CDK5RAP2: variants seen among roughly 807,000 people sequenced by gnomAD.
The protein encoded by CDK5RAP2 is CDK5 regulatory subunit-associated protein 2.
Under a neutral mutation model 232.9 loss-of-function variants are expected in CDK5RAP2, and 147 were observed. The ratio of observed to expected loss-of-function variants is 0.63; its 90% CI spans 0.55 to 0.72. CDK5RAP2 has a LOEUF of 0.72. CDK5RAP2 is among the 30% of genes least tolerant of loss of function. The pLI is 0.00. For synonymous variants in CDK5RAP2, 833 were observed against 833.7 expected, an observed-to-expected ratio of 1.00 and a Z score of 0.01; for missense variants, 2,195 against 2,231.5, an observed-to-expected ratio of 0.98 and a Z score of 0.33.
At chr9:120,414,451 T>C (rs2034082404) in intron 28 of CDK5RAP2, among the ~76,000 whole-genome samples, 1 of 152,156 alleles carries the variant, frequency 6.6e-6, no homozygotes, top group South Asian at 2.1e-4. Flanking sequence ...GAATCATGGA[T>C]ATAGAGTACG....
chr9:120,453,699 C>T lies in CDK5RAP2; in HGVS notation c.2550G>A (p.Lys850=), dbSNP rs566810663. The T allele has an allele frequency of 2.5e-6, 4 of 1,614,250 alleles. No homozygotes were observed. In the South Asian group the frequency reaches 3.3e-5, roughly 13 times the overall value. Residue 850 remains lysine (K), a synonymous_variant, in exon 21 of 38, where the codon AAG becomes AAA. Transcript: ENST00000349780. ...NSFSKPHDEL[K]LSCEAQLVKA... is the part of the protein sequence containing the mutation. Reference sequence around the variant, plus strand: ...TTACTAGCTGGGCCTCACAAGACAACTTCAGTTCATCATGTGGCTTGGAAA... The same window carrying T: ...TTACTAGCTGGGCCTCACAAGACAATTTCAGTTCATCATGTGGCTTGGAAA...
At chr9:120,461,414 C>T (rs768169217) in intron 18 of CDK5RAP2, among the ~76,000 whole-genome samples, 10 of 152,160 alleles carry the variant, frequency 6.6e-5, no homozygotes, top group Non-Finnish European at 1.0e-4. Context: ...CTCAGCTCTC[C>T]GCAAAAGCAA....
chr9:120,530,523 G>A (rs753080063), intron 7 of CDK5RAP2, among the ~76,000 whole-genome samples: 30 of 152,126 alleles, frequency 2.0e-4, no homozygotes, highest in African/African-American at 5.6e-4. Flanking sequence ...GAGCTGTTCC[G>A]ATAAGTGTGG....
intron 3 of CDK5RAP2, among the ~76,000 whole-genome samples, chr9:120,562,130 A>G (rs1246340630): frequency 6.6e-6 from 1 of 152,236 alleles, no homozygotes; most frequent in Non-Finnish European, 1.5e-5. Context: ...ATGTGGCAAC[A>G]AACACCTTCA....
At chr9:120,464,395 C>T (rs989875809) in intron 18 of CDK5RAP2, among the ~76,000 whole-genome samples, 4 of 152,142 alleles carry the variant, frequency 2.6e-5, no homozygotes, top group Non-Finnish European at 4.4e-5. Flanking sequence ...CTAGACAGGG[C>T]GGGGACATGT....
At chr9:120,446,113 T>C (rs2036171442) in intron 22 of CDK5RAP2, among the ~76,000 whole-genome samples, 2 of 152,204 alleles carry the variant, frequency 1.3e-5, no homozygotes, top group African/African-American at 4.8e-5. Flanking sequence ...GTCTCTATGG[T>C]AACTACTCAA....
chr9:120,539,533 A>G (rs79256370), intron 5 of CDK5RAP2, among the ~76,000 whole-genome samples: 3,698 of 152,300 alleles, frequency 0.024, 154 homozygotes, highest in African/African-American at 0.084. Flanking sequence ...ATATTAATTC[A>G]ATGTATGAAA....
At position 120,453,572 on chromosome 9, in the gene CDK5RAP2, C is replaced by G; in HGVS notation, c.2677G>C (p.Ala893Pro). Residue 893 changes from alanine to proline, a missense_variant, in exon 21 of 38, where the codon GCT (alanine) becomes CCT (proline). Transcript: ENST00000349780. ...GTGTTGATCGGTTTCTCTTCCCAAG[C>G]CTCTCTTGTTGCTTCATGCTTGAAT... Reference protein sequence around the residue: ...LRFKHEATREAWEEKPINTAL... With the variant: ...LRFKHEATREPWEEKPINTAL... 6.2e-7 allele frequency: 1 copy of G among 1,614,186 alleles called. No individual in the cohort carries two copies. The highest frequency in any genetic ancestry group is 2.2e-5 in the East Asian group (1 of 44,872).
chr9:120,466,780 C>T (rs1433919627), intron 18 of CDK5RAP2, among the ~76,000 whole-genome samples: 5 of 152,168 alleles, frequency 3.3e-5, no homozygotes, highest in South Asian at 2.1e-4. Context: ...TTGAGCATTT[C>T]CCACTTTGAA....
intron 10 of CDK5RAP2, 115 bp from the exon 11 acceptor site, chr9:120,525,193 A>G: frequency 1.2e-6 from 1 of 819,156 alleles, no homozygotes; most frequent in South Asian, 1.4e-5. Flanking sequence ...CTTTGTAGTC[A>G]GAAGAGATTC....
At chr9:120,564,712 T>C (rs7045249) in intron 3 of CDK5RAP2, among the ~76,000 whole-genome samples, 128,908 of 152,092 alleles carry the variant, frequency 0.85, 55,898 homozygotes, top group Non-Finnish European at 0.95. Flanking sequence ...TGGAAAGTTA[T>C]CCATGTCATT....
In CDK5RAP2 at chr9:120,439,779, C is replaced by G; in HGVS notation, c.3342G>C (p.Gln1114His). 2 of 1,614,150 alleles carry G rather than the reference C, an allele frequency of 1.2e-6. No individual in the cohort carries two copies. The highest frequency in any genetic ancestry group is 1.7e-6 in the Non-Finnish European group (2 of 1,180,004). ...GCTCAGTTTCCAAGTCATGGATTTT[C>G]TGTTTTAAGTATTCTGTCTCATTTG... ...NTSNETEYLK[Q>H]KIHDLETELE... Residue 1114 changes from glutamine (Q) to histidine (H), a missense_variant, in exon 24 of 38, where the codon CAG becomes CAC. By Grantham distance (24) the Gln-to-His change is conservative. Coordinates refer to ENST00000349780, the MANE Select transcript of CDK5RAP2 (RefSeq NM_018249.6).
At chr9:120,464,705 T>C (rs2037278078) in intron 18 of CDK5RAP2, among the ~76,000 whole-genome samples, 1 of 151,838 alleles carries the variant, frequency 6.6e-6, no homozygotes, top group Admixed American at 6.6e-5. Flanking sequence ...ATGGTGTTGC[T>C]AAACAATTCT....
chr9:120,422,609 G>C, intron 26 of CDK5RAP2, 84 bp downstream of exon 26: 1 of 1,037,020 alleles, frequency 9.6e-7, no homozygotes. Flanking sequence ...AGAATGGGAA[G>C]GAGCCAAAAT....
chr9:120,396,667 C>T (rs2032494696), intron 35 of CDK5RAP2, among the ~76,000 whole-genome samples: 1 of 152,212 alleles, frequency 6.6e-6, no homozygotes, highest in Non-Finnish European at 1.5e-5. Context: ...CATTTCCTCC[C>T]TCTAACCACC....
At chr9:120,470,447 T>C (rs1266713234) in intron 16 of CDK5RAP2, among the ~76,000 whole-genome samples, 2 of 152,218 alleles carry the variant, frequency 1.3e-5, no homozygotes, top group African/African-American at 2.4e-5. Context: ...GGTTTCATCT[T>C]AGGCCGTAGG....
At chr9:120,511,735 CTTT>C (rs747030569) in intron 12 of CDK5RAP2, among the ~76,000 whole-genome samples, 7 of 110,702 alleles carry the variant, frequency 6.3e-5, no homozygotes, top group African/African-American at 1.1e-4. Context: ...TCACAACATG[CTTT>C]TTTTTTTTTT....
intron 25 of CDK5RAP2, among the ~76,000 whole-genome samples, chr9:120,433,045 G>A (rs941175084): frequency 6.6e-5 from 10 of 152,180 alleles, no homozygotes; most frequent in African/African-American, 1.9e-4. Context: ...CCTGGGAACC[G>A]GTATTAGCAA....
Position 120,491,371 on chromosome 9 carries a change from T to C in CDK5RAP2, c.1418A>G (p.His473Arg). 6.2e-7 allele frequency: 1 copy of C among 1,613,330 alleles called. No individual in the cohort carries two copies. The highest frequency in any genetic ancestry group is 8.5e-7 in the Non-Finnish European group (1 of 1,179,434). The part of the protein sequence containing the change: ...SLLSESNKKL[H>R]NQEQVIKHLT... ...ATGTTTGATCACTTGCTCTTGATTG[T>C]GCAATTTTTTATTGCTTTCACTCAG... is the stretch of plus-strand genomic sequence containing the variant. Residue 473 changes from histidine (H) to arginine (R), a missense_variant, in exon 13 of 38, where the codon CAC (histidine) becomes CGC (arginine). By Grantham distance (29) the His-to-Arg change is conservative. Transcript: ENST00000349780.
Sources: gnomAD v4.1 joint callset for allele counts (sites outside exome capture counted in the v4.1 genomes callset) on GRCh38, gnomAD v4.1.1 for gene constraint, MANE v1.5 for transcripts, NCBI Gene and HGNC (gene_info 2026-07-23, HGNC 2026-07-21) for gene names.